TIMM23B: variants seen among roughly 807,000 people sequenced by gnomAD.
The protein encoded by TIMM23B is translocase of inner mitochondrial membrane 23 homolog B, also known as mitochondrial import inner membrane translocase subunit Tim23B.
Under a neutral mutation model 27.3 loss-of-function variants are expected in TIMM23B, and 27 were observed. That is an observed-to-expected ratio of 0.99 (90% CI 0.73 to 1.36). TIMM23B has a LOEUF of 1.36. TIMM23B is among the 40% of genes most tolerant of loss of function. The probability of loss-of-function intolerance (pLI) is 0.00; values close to 1 mark genes in which losing one functional copy is unlikely to be tolerated. For missense variants in TIMM23B, 205 were observed against 244.2 expected (o/e 0.84, Z 1.07); for synonymous variants, 73 against 92.4 (o/e 0.79, Z 1.21).
rs193231159 is a variant in TIMM23B at position 49,964,512 on chromosome 10, G to A, written c.514+6032G>A. Among the ~76,000 whole-genome samples the A allele has an allele frequency of 5.1e-3, 732 of 144,520 alleles. 4 individuals are homozygous for A. Among genetic ancestry groups the A allele is most frequent in the Middle Eastern group, 0.02 (5 of 252 alleles). 94.8% of individuals were successfully genotyped at this position (144,520 alleles called of 152,430 possible). ...ATAATGAAATTCTGGGTGCAGTGGC[G>A]CACTCCAGCCTGGGCAATAGAGGGA... On this transcript the variant is annotated intron_variant, in intron 6 of 6. Transcript: ENST00000651259.
intron 6 of TIMM23B, among the ~76,000 whole-genome samples, chr10:49,962,388 A>G (rs2132042399): frequency 6.6e-6 from 1 of 152,194 alleles, no homozygotes; most frequent in East Asian, 1.9e-4. Flanking sequence ...TTTTTAATAG[A>G]GTCGGGGTTT....
chr10:49,942,111 A>C lies in TIMM23B; in HGVS notation c.-84A>C. 6.9e-7 allele frequency: 1 copy of C among 1,452,408 alleles called. No individual in the cohort carries two copies. Among genetic ancestry groups the C allele is most frequent in the Non-Finnish European group, 9.2e-7 (1 of 1,083,076 alleles). 90.0% of individuals were successfully genotyped at this position (1,452,408 alleles called of 1,614,324 possible). A position where few individuals can be genotyped will look rare whatever the true frequency, so the allele number is the denominator to read the frequency against. ...AAGTAGGCGCTGGCAACGCGGGGTT[A>C]CCCGCTGTTATTGAGGAGTAACGGC... On this transcript the variant is annotated 5_prime_UTR_variant, in exon 1 of 7. Coordinates refer to ENST00000651259, the MANE Select transcript of TIMM23B (RefSeq NM_001290117.2).
chr10:49,947,001 C>A (rs1839373202), intron 2 of TIMM23B, among the ~76,000 whole-genome samples: 6 of 152,328 alleles, frequency 3.9e-5, no homozygotes, highest in Admixed American at 3.9e-4. Context: ...TATACGCAGT[C>A]ACTTGCTTTT....
chr10:49,963,524 GTGAAA>G (rs782708730), intron 6 of TIMM23B, among the ~76,000 whole-genome samples: 43 of 152,128 alleles, frequency 2.8e-4, no homozygotes, highest in Admixed American at 2.3e-3. Context: ...GAAATGCCGG[GTGAAA>G]TGAAATGAAA....
chr10:49,958,090 A>G (rs1391411711), intron 5 of TIMM23B, among the ~76,000 whole-genome samples: 13 of 152,222 alleles, frequency 8.5e-5, no homozygotes, highest in African/African-American at 3.1e-4. Context: ...AAAGGAGGGC[A>G]GGAGAAGGTC....
chr10:49,944,294 A>T (rs1206086606), intron 1 of TIMM23B, among the ~76,000 whole-genome samples: 1 of 152,234 alleles, frequency 6.6e-6, no homozygotes, highest in Non-Finnish European at 1.5e-5. Context: ...GTAGCAATAG[A>T]GAAGATAAGT....
Position 49,952,235 on chromosome 10 carries a change from T to A in TIMM23B, c.259+16T>A. The A allele has an allele frequency of 2.5e-6, 4 of 1,600,524 alleles. No individual in the cohort carries two copies. The highest frequency in any genetic ancestry group is 3.4e-6 in the Non-Finnish European group (4 of 1,167,734). On this transcript the variant is annotated intron_variant, in intron 3 of 6. Coordinates refer to ENST00000651259, the MANE Select transcript of TIMM23B (RefSeq NM_001290117.2). ...TGCATGACAGGTGAGTGTTACATACTTTTTTCTCAAGAGTGCTCAGTTCAA... is the reference window on the plus strand; with the variant it reads ...TGCATGACAGGTGAGTGTTACATACATTTTTCTCAAGAGTGCTCAGTTCAA...
intron 1 of TIMM23B, among the ~76,000 whole-genome samples, chr10:49,943,554 C>G (rs1839239695): frequency 6.6e-6 from 1 of 151,810 alleles, no homozygotes; most frequent in Non-Finnish European, 1.5e-5. Context: ...TCATATTAAT[C>G]TTAGTATTTC....
chr10:49,951,998 T>C (rs1839548527), intron 2 of TIMM23B, 128 bp from the exon 3 acceptor site: 5 of 642,910 alleles, frequency 7.8e-6, no homozygotes, highest in South Asian at 2.2e-5. Context: ...TATTTTTGTT[T>C]AAGTATAGGT....
Position 49,942,133 on chromosome 10 carries a change from C to T in TIMM23B, c.-62C>T, listed in dbSNP as rs1368013532. ...GTTACCCGCTGTTATTGAGGAGTAA[C>T]GGCCCAGCGGACCACCCAGGCTTGA... On this transcript the variant is annotated 5_prime_UTR_variant, in exon 1 of 7. In the 5' UTR this introduces an upstream ATG that the reference lacks. Coordinates refer to ENST00000651259, the MANE Select transcript of TIMM23B (RefSeq NM_001290117.2). 7.9e-6 allele frequency: 12 copies of T among 1,520,284 alleles called. No individual in the cohort carries two copies. The highest frequency in any genetic ancestry group is 6.2e-5 in the Admixed American group (3 of 48,324). The allele number at this position is 1,520,284 out of a possible 1,614,324, so 94.2% of individuals were successfully genotyped here. A position where few individuals can be genotyped will look rare whatever the true frequency, so the allele number is the denominator to read the frequency against.
rs1839125771 is a variant in TIMM23B at position 49,942,090 on chromosome 10, A to T, written c.-105A>T. On this transcript the variant is annotated 5_prime_UTR_variant, in exon 1 of 7. Coordinates refer to ENST00000651259, the MANE Select transcript of TIMM23B (RefSeq NM_001290117.2). Reference sequence around the variant, plus strand: ...CGCCCGGAATGTCAGCGTGTGAAGTAGGCGCTGGCAACGCGGGGTTACCCG... The same window carrying T: ...CGCCCGGAATGTCAGCGTGTGAAGTTGGCGCTGGCAACGCGGGGTTACCCG... The T allele has an allele frequency of 7.4e-7, 1 of 1,358,108 alleles. No homozygotes were observed. Among genetic ancestry groups the T allele is most frequent in the Non-Finnish European group, 9.9e-7 (1 of 1,006,028 alleles). 84.1% of individuals were successfully genotyped at this position (1,358,108 alleles called of 1,614,324 possible).
chr10:49,963,339 T>A (rs1839988892), intron 6 of TIMM23B, among the ~76,000 whole-genome samples: 1 of 146,552 alleles, frequency 6.8e-6, no homozygotes, highest in Admixed American at 6.9e-5. Context: ...ATAAATGAAA[T>A]GAAATAATAA....
chr10:49,947,506 G>A (rs1235568979), intron 2 of TIMM23B, among the ~76,000 whole-genome samples: 1 of 152,144 alleles, frequency 6.6e-6, no homozygotes, highest in Non-Finnish European at 1.5e-5. Context: ...CTACTTGGGA[G>A]GCTGAGGCAG....
intron 6 of TIMM23B, among the ~76,000 whole-genome samples, chr10:49,964,545 T>C (rs561320301): frequency 6.6e-6 from 1 of 150,862 alleles, no homozygotes; most frequent in African/African-American, 2.4e-5. Context: ...GGAGTCTCCG[T>C]CTCGAAATGA....
At chr10:49,964,605 G>A (rs1269559767) in intron 6 of TIMM23B, among the ~76,000 whole-genome samples, 8 of 149,556 alleles carry the variant, frequency 5.3e-5, no homozygotes, top group East Asian at 4.0e-4. Context: ...ATGAAATGCC[G>A]GGTGAAATGA....
chr10:49,950,482 G>A (rs1166326575), intron 2 of TIMM23B, among the ~76,000 whole-genome samples: 3 of 147,156 alleles, frequency 2.0e-5, no homozygotes, highest in Non-Finnish European at 4.5e-5. Context: ...TGGTGCTAAC[G>A]TGCACTTTTG....
At chr10:49,972,868 A>G in intron 6 of TIMM23B, 144 bp from the exon 7 acceptor site, 2 of 666,578 alleles carry the variant, frequency 3.0e-6, no homozygotes, top group South Asian at 1.8e-5. Flanking sequence ...CATGTCAGAT[A>G]GAGACATGCA....
intron 6 of TIMM23B, among the ~76,000 whole-genome samples, chr10:49,964,079 T>A (rs1278653330): frequency 4.8e-5 from 7 of 145,488 alleles, no homozygotes; most frequent in Non-Finnish European, 7.5e-5. Context: ...GGATTGAAAT[T>A]GAATGGGAAT....
Position 49,962,359 on chromosome 10 carries a change from C to T in TIMM23B, c.514+3879C>T, listed in dbSNP as rs1427215078. On this transcript the variant is annotated intron_variant, in intron 6 of 6. Coordinates refer to ENST00000651259, the MANE Select transcript of TIMM23B (RefSeq NM_001290117.2). Reference sequence around the variant, plus strand: ...CTGGGATTACAGATGCCCGCCACCACGCCCAGCTAATTTTTGTATTTTTAA... The same window carrying T: ...CTGGGATTACAGATGCCCGCCACCATGCCCAGCTAATTTTTGTATTTTTAA... 1.6e-4 allele frequency among the ~76,000 whole-genome samples: 24 copies of T among 152,116 alleles called. No homozygotes were observed. In the South Asian group the frequency reaches 3.3e-3, roughly 21 times the overall value.
Sources: gnomAD v4.1 joint callset for allele counts (sites outside exome capture counted in the v4.1 genomes callset) on GRCh38, gnomAD v4.1.1 for gene constraint, MANE v1.5 for transcripts, NCBI Gene and HGNC (gene_info 2026-07-23, HGNC 2026-07-21) for gene names.